WDR37: variants seen among roughly 807,000 people sequenced by gnomAD.
WDR37 encodes the protein WD repeat-containing protein 37.
WDR37 carries 19 observed loss-of-function variants against 62.9 expected under a neutral mutation model. That is an observed-to-expected ratio of 0.30 (90% CI 0.21 to 0.44). The LOEUF (loss-of-function observed/expected upper bound fraction) is 0.44, where lower values mean the gene tolerates loss of function less well. Ranked by LOEUF, WDR37 falls within the 20% of genes least tolerant of loss-of-function variation. WDR37 has a pLI of 1.00. For synonymous variants in WDR37, 250 were observed against 260.9 expected (o/e 0.96, Z 0.40); for missense variants, 474 against 657.6 (o/e 0.72, Z 3.05).
chr10:1,109,729 A>C (rs1375871271), intron 11 of WDR37, among the ~76,000 whole-genome samples: 1 of 152,182 alleles, frequency 6.6e-6, no homozygotes, highest in Non-Finnish European at 1.5e-5. Flanking sequence ...AAAAAAAAAA[A>C]TTCTGGTTAA....
intron 7 of WDR37, 37 bp from the exon 8 acceptor site, chr10:1,093,414 CA>C (rs758012472): frequency 6.5e-7 from 1 of 1,529,786 alleles, no homozygotes; most frequent in East Asian, 2.3e-5. Context: ...ATGTTTTTGT[CA>C]CTTTAAACCT....
intron 1 of WDR37, among the ~76,000 whole-genome samples, chr10:1,070,072 G>A (rs1406656426): frequency 6.6e-6 from 1 of 152,006 alleles, no homozygotes; most frequent in Admixed American, 6.6e-5. Context: ...TGGGCATGGT[G>A]GTGCATGCCT....
At chr10:1,064,882 A>G (rs566914537) in intron 1 of WDR37, among the ~76,000 whole-genome samples, 4 of 152,266 alleles carry the variant, frequency 2.6e-5, no homozygotes, top group African/African-American at 7.2e-5. Flanking sequence ...GTCATGAGCC[A>G]CTGTGCCTGG....
At chr10:1,101,333 C>G (rs1413591957) in intron 9 of WDR37, among the ~76,000 whole-genome samples, 1 of 152,224 alleles carries the variant, frequency 6.6e-6, no homozygotes, top group Non-Finnish European at 1.5e-5. Flanking sequence ...CCTGAGGCGT[C>G]TTTCCATGGC....
At chr10:1,083,231 G>A (rs1834087341) in intron 5 of WDR37, among the ~76,000 whole-genome samples, 1 of 152,226 alleles carries the variant, frequency 6.6e-6, no homozygotes, top group Admixed American at 6.5e-5. Flanking sequence ...AAGAAAAGAG[G>A]ATAATGATGG....
rs1228242654 is a variant in WDR37 at position 1,129,371 on chromosome 10, G to C, written c.*27G>C. 1 of 1,613,486 alleles carries C rather than the reference G, an allele frequency of 6.2e-7. No individual in the cohort carries two copies. Among genetic ancestry groups the C allele is most frequent in the African/African-American group, 1.3e-5 (1 of 74,896 alleles). On this transcript the variant is annotated 3_prime_UTR_variant, in exon 14 of 14. Transcript: ENST00000263150. The stretch of plus-strand genomic sequence containing the variant: ...GACACCGGCAGCCCTTAGTTTCACT[G>C]TTTGCCAGCACAGACCTTTGATGGG...
At chr10:1,128,073 T>A (rs368502662) in intron 13 of WDR37, among the ~76,000 whole-genome samples, 12 of 152,384 alleles carry the variant, frequency 7.9e-5, no homozygotes, top group African/African-American at 2.9e-4. Flanking sequence ...TTATGTGGTC[T>A]TTCTTATAAT....
chr10:1,103,749 G>A lies in WDR37; in HGVS notation c.874G>A (p.Gly292Arg), dbSNP rs762793086. 5 of 1,614,220 alleles carry A rather than the reference G, an allele frequency of 3.1e-6. No homozygotes were observed. The highest frequency in any genetic ancestry group is 4.2e-6 in the Non-Finnish European group (5 of 1,180,044). ...GVVIASDWLV[G>R]GKQAVTASWD... Reference sequence around the variant, plus strand: ...GGTCATCGCCTCCGACTGGCTGGTTGGGGGGAAGCAGGCTGTGACTGCCTC... The same window carrying A: ...GGTCATCGCCTCCGACTGGCTGGTTAGGGGGAAGCAGGCTGTGACTGCCTC... The change falls in exon 10 of 14, where the codon GGG becomes AGG. Residue 292 changes from glycine to arginine, a missense_variant. Physicochemically the swap from Gly to Arg is moderately radical, Grantham distance 125. Coordinates refer to ENST00000263150, the MANE Select transcript of WDR37 (RefSeq NM_014023.4). This position sits in a 1 kb window ranked among gnomAD's most constrained non-coding sequence, Gnocchi z 6.3.
At chr10:1,064,583 CTTTTTTTTTTTTTTT>C (rs71376884) in intron 1 of WDR37, among the ~76,000 whole-genome samples, 6,742 of 71,040 alleles carry the variant, frequency 0.095, 344 homozygotes, top group Middle Eastern at 0.11. Context: ...GACAATGGAT[CTTTTTTTTTTTTTTT>C]TTTTTTTTTT....
rs562598959 is a variant in WDR37, at chr10:1,066,246, T to G, written c.-40-5870T>G. Among the ~76,000 whole-genome samples the G allele has an allele frequency of 5.3e-5, 8 of 152,198 alleles. No homozygotes were observed. The East Asian group carries it at 7.7e-4, about 15-fold the overall frequency. Reference sequence around the variant, plus strand: ...TTCTCCTGCCTCAGCCTCCTGAGTATCTGGGACTACAGGTGCCTGCCACCA... The same window carrying G: ...TTCTCCTGCCTCAGCCTCCTGAGTAGCTGGGACTACAGGTGCCTGCCACCA... On this transcript the variant is annotated intron_variant, in intron 1 of 13. Transcript: ENST00000263150.
chr10:1,096,414 A>C (rs1834578892), intron 9 of WDR37, 168 bp downstream of exon 9: 2 of 695,850 alleles, frequency 2.9e-6, no homozygotes, highest in Admixed American at 4.6e-5. Context: ...CTAAGGTAGT[A>C]GTTAAGGTTC....
At chr10:1,122,332 T>C (rs377464552) in intron 11 of WDR37, among the ~76,000 whole-genome samples, 5 of 152,120 alleles carry the variant, frequency 3.3e-5, no homozygotes, top group African/African-American at 1.2e-4. Flanking sequence ...CAGTGCGGGG[T>C]GAGGCGGGTT....
intron 11 of WDR37, among the ~76,000 whole-genome samples, chr10:1,106,027 C>T (rs868766710): frequency 6.6e-6 from 1 of 152,094 alleles, no homozygotes; most frequent in Non-Finnish European, 1.5e-5. Context: ...CGTCGTGATC[C>T]GCCTGTCTCG....
At chr10:1,114,811 GC>G (rs1835336758) in intron 11 of WDR37, among the ~76,000 whole-genome samples, 1 of 152,214 alleles carries the variant, frequency 6.6e-6, no homozygotes, top group Non-Finnish European at 1.5e-5. Context: ...CCCTCTCCTG[GC>G]TGCTGCATTC....
At chr10:1,102,944 G>A (rs1264705541) in intron 9 of WDR37, among the ~76,000 whole-genome samples, 2 of 152,196 alleles carry the variant, frequency 1.3e-5, no homozygotes, top group African/African-American at 4.8e-5. Flanking sequence ...TTGCATGTGT[G>A]CATGTCAGAA....
chr10:1,113,770 C>T (rs766597147), intron 11 of WDR37, among the ~76,000 whole-genome samples: 1 of 152,092 alleles, frequency 6.6e-6, no homozygotes, highest in Non-Finnish European at 1.5e-5. Flanking sequence ...GGAACTGCTT[C>T]TTATGGATGA....
intron 2 of WDR37, 60 bp downstream of exon 2, chr10:1,072,353 C>G: frequency 1.3e-6 from 2 of 1,593,376 alleles, no homozygotes; most frequent in East Asian, 4.5e-5. Context: ...GAGTTTCGCT[C>G]GTTTCCCCGG....
chr10:1,056,666 C>A lies in WDR37; in HGVS notation c.-343C>A, dbSNP rs1833178233. 1.3e-5 allele frequency: 2 copies of A among 152,246 alleles called. No individual in the cohort carries two copies. Among genetic ancestry groups the A allele is most frequent in the African/African-American group, 2.4e-5 (1 of 41,466 alleles). The allele number at this position is 152,246 out of a possible 1,614,324, so 9.4% of individuals were successfully genotyped here. ...TTGGCCCAGCAGCCGAAGGGGTCTT[C>A]AGCGCGCCCAGACCCCTCGGGGCTG... On this transcript the variant is annotated 5_prime_UTR_variant, in exon 1 of 14. Coordinates refer to ENST00000263150, the MANE Select transcript of WDR37 (RefSeq NM_014023.4).
chr10:1,096,968 T>G (rs1834604475), intron 9 of WDR37, among the ~76,000 whole-genome samples: 1 of 152,154 alleles, frequency 6.6e-6, no homozygotes. Context: ...GCCTTTCTGC[T>G]GAGGCTTAGA....
Sources: gnomAD v4.1 joint callset for allele counts (sites outside exome capture counted in the v4.1 genomes callset) on GRCh38, gnomAD v4.1.1 for gene constraint, Gnocchi (gnomAD v3.1) non-coding constraint, MANE v1.5 for transcripts, NCBI Gene and HGNC (gene_info 2026-07-23, HGNC 2026-07-21) for gene names.